DCC: variants seen among roughly 807,000 people sequenced by gnomAD.
The protein encoded by DCC is netrin receptor DCC.
In DCC, 58 loss-of-function variants were observed where a neutral mutation model predicts 172.5. That is an observed-to-expected ratio of 0.34 (90% confidence interval 0.27 to 0.42). The LOEUF (loss-of-function observed/expected upper bound fraction) is 0.42. DCC is among the 10% of genes least tolerant of loss of function. The pLI is 1.00. For synonymous variants in DCC, 709 were observed against 644.5 expected, an observed-to-expected ratio of 1.10 and a Z score of -1.52; for missense variants, 1,740 against 1,791.0, an observed-to-expected ratio of 0.97 and a Z score of 0.51.
At chr18:53,417,968 C>G (rs146855722) in intron 21 of DCC, among the ~76,000 whole-genome samples, 1 of 152,214 alleles carries the variant, frequency 6.6e-6, no homozygotes, top group Non-Finnish European at 1.5e-5. Flanking sequence ...TACTTTGAGT[C>G]TCACATCTAC....
chr18:53,108,472 TTTAA>T (rs2043282340), intron 7 of DCC, among the ~76,000 whole-genome samples: 2 of 151,876 alleles, frequency 1.3e-5, no homozygotes, highest in South Asian at 4.1e-4. Flanking sequence ...TATAATGTAA[TTTAA>T]TTATTTTCTA....
At chr18:52,929,566 T>C (rs933228120) in intron 5 of DCC, among the ~76,000 whole-genome samples, 1 of 152,094 alleles carries the variant, frequency 6.6e-6, no homozygotes, top group Admixed American at 6.6e-5. Context: ...TTAAAACAAC[T>C]GCCATACTTC....
chr18:53,464,152 G>T (rs1052116923), intron 24 of DCC, among the ~76,000 whole-genome samples: 1 of 152,154 alleles, frequency 6.6e-6, no homozygotes, highest in African/African-American at 2.4e-5. Context: ...AAACGAAAGA[G>T]TTCAGGTCTA....
chr18:53,029,722 T>C (rs1261842779), intron 5 of DCC, among the ~76,000 whole-genome samples: 1 of 152,194 alleles, frequency 6.6e-6, no homozygotes, highest in South Asian at 2.1e-4. Flanking sequence ...CCTATCATTT[T>C]GAGGGGCTAT....
chr18:53,083,038 G>A (rs1354767379), intron 7 of DCC, among the ~76,000 whole-genome samples: 2 of 151,192 alleles, frequency 1.3e-5, no homozygotes, highest in African/African-American at 2.4e-5. Flanking sequence ...TTTTACCTTT[G>A]CTATTTCTCC....
Position 53,224,238 on chromosome 18 carries a change from G to A in DCC, c.1911+8641G>A, listed in dbSNP as rs756304514. Among the ~76,000 whole-genome samples, 38 of 152,274 alleles carry A rather than the reference G, an allele frequency of 2.5e-4. 1 individual carries two copies. The highest frequency in any genetic ancestry group is 1.7e-3 in the East Asian group (9 of 5,184). On this transcript the variant is annotated intron_variant, in intron 12 of 28. Coordinates refer to ENST00000442544, the MANE Select transcript of DCC (RefSeq NM_005215.4). ...AACTCTTAAGGAGATGAGCTGAGGC[G>A]TGAATAGAAAAGGATCAGCTTTGTG... is the stretch of plus-strand genomic sequence containing the variant.
intron 5 of DCC, among the ~76,000 whole-genome samples, chr18:53,035,781 T>A (rs893930969): frequency 1.3e-4 from 20 of 152,178 alleles, no homozygotes; most frequent in African/African-American, 4.1e-4. Context: ...AATCTATAAT[T>A]AGTTTAAATA....
intron 7 of DCC, among the ~76,000 whole-genome samples, chr18:53,113,979 A>C (rs1488970833): frequency 6.6e-6 from 1 of 151,404 alleles, no homozygotes; most frequent in South Asian, 2.1e-4. Context: ...TGAAGCTTTC[A>C]TTCTCTCTAA....
chr18:53,523,709 G>A (rs1334891675), intron 27 of DCC, among the ~76,000 whole-genome samples: 1 of 152,076 alleles, frequency 6.6e-6, no homozygotes, highest in Non-Finnish European at 1.5e-5. Context: ...GTTGAACAAT[G>A]AGAACACATG....
intron 12 of DCC, among the ~76,000 whole-genome samples, chr18:53,221,019 C>A (rs1024721196): frequency 2.6e-5 from 4 of 152,196 alleles, no homozygotes; most frequent in African/African-American, 9.6e-5. Context: ...ATCTGTGAGA[C>A]TCCCTTAAGG....
intron 18 of DCC, among the ~76,000 whole-genome samples, chr18:53,401,992 C>G (rs993833327): frequency 6.6e-6 from 1 of 152,136 alleles, no homozygotes; most frequent in African/African-American, 2.4e-5. Context: ...TTATTTTTTA[C>G]GTCTTCTATT....
At chr18:53,445,159 G>C (rs1201832615) in intron 22 of DCC, among the ~76,000 whole-genome samples, 1 of 152,156 alleles carries the variant, frequency 6.6e-6, no homozygotes. Context: ...TTATCTGTGA[G>C]TTGTCTTCCA....
chr18:52,815,692 G>A (rs2038283391), intron 2 of DCC, among the ~76,000 whole-genome samples: 1 of 152,020 alleles, frequency 6.6e-6, no homozygotes, highest in African/African-American at 2.4e-5. Context: ...AAATAATTAT[G>A]TTTTACCCTA....
chr18:53,267,110 T>TCA (rs140978906), intron 12 of DCC, among the ~76,000 whole-genome samples: 41,119 of 136,368 alleles, frequency 0.3, 6,818 homozygotes, highest in Non-Finnish European at 0.42. Flanking sequence ...ACTCTCTCTC[T>TCA]CACACACACA....
At chr18:53,524,225 A>G (rs748914225) in intron 27 of DCC, among the ~76,000 whole-genome samples, 18 of 152,072 alleles carry the variant, frequency 1.2e-4, no homozygotes, top group Non-Finnish European at 2.5e-4. Context: ...CATGTATCAA[A>G]ACATTGTTTT....
intron 1 of DCC, among the ~76,000 whole-genome samples, chr18:52,566,314 A>T (rs1353073341): frequency 6.6e-6 from 1 of 152,108 alleles, no homozygotes; most frequent in Non-Finnish European, 1.5e-5. Context: ...GAGTTGAACA[A>T]TGAGAATACA....
At position 52,587,244 on chromosome 18, in the gene DCC, G is replaced by C. The variant is rs560998692; in HGVS notation, c.92-164810G>C. Among the ~76,000 whole-genome samples the C allele has an allele frequency of 6.6e-5, 10 of 152,324 alleles. No individual in the cohort carries two copies. The South Asian group carries it at 2.1e-3, about 32-fold the overall frequency. On this transcript the variant is annotated intron_variant, in intron 1 of 28. Coordinates refer to ENST00000442544, the MANE Select transcript of DCC (RefSeq NM_005215.4). ...GGGCACTCAGCAGTGGCCATAGCCA[G>C]GTCAGCCTTGGTGAGTGGAAGTCTA...
chr18:52,604,704 G>C (rs1182754422), intron 1 of DCC, among the ~76,000 whole-genome samples: 1 of 152,140 alleles, frequency 6.6e-6, no homozygotes, highest in Non-Finnish European at 1.5e-5. Context: ...TGAAGTGGTA[G>C]CTTCCCTGCT....
Position 53,524,582 on chromosome 18 carries a change from T to G in DCC, c.4112-2035T>G, listed in dbSNP as rs148664899. On this transcript the variant is annotated intron_variant, in intron 27 of 28. Transcript: ENST00000442544. ...TGTATATATTTTAAAAATATTGGAA[T>G]ACAGTATTTTAAGTCAATGCTGGAG... Among the ~76,000 whole-genome samples the G allele has an allele frequency of 2.5e-4, 38 of 152,248 alleles. No individual in the cohort carries two copies. The East Asian group carries it at 7.3e-3, about 29-fold the overall frequency.
Sources: allele counts gnomAD v4.1 joint callset (sites outside exome capture counted in the v4.1 genomes callset), GRCh38; gene constraint gnomAD v4.1.1; transcripts MANE v1.5; gene names NCBI Gene and HGNC (gene_info 2026-07-23, HGNC 2026-07-21).